Variants in C5 observed in about 807,000 individuals in gnomAD.
The protein encoded by C5 is C3 and PZP-like alpha-2-macroglobulin domain-containing protein 4.
Under a neutral mutation model 218.8 loss-of-function variants are expected in C5, and 140 were observed. That is an observed-to-expected ratio of 0.64 (90% CI 0.56 to 0.74). The LOEUF is 0.74. C5 is among the 30% of genes least tolerant of loss of function. C5 has a pLI of 0.00. For synonymous variants in C5, 614 were observed against 682.3 expected, an observed-to-expected ratio of 0.90 and a Z score of 1.56; for missense variants, 1,700 against 1,969.6, an observed-to-expected ratio of 0.86 and a Z score of 2.59.
chr9:121,060,152 C>G, the C5 span, among the ~76,000 whole-genome samples: 1 of 152,230 alleles, frequency 6.6e-6, no homozygotes, highest in African/African-American at 2.4e-5. Flanking sequence ...GCTCCTCGGT[C>G]ATCAATGCTT....
At chr9:121,015,478 T>G (rs2047299539) in intron 15 of C5, among the ~76,000 whole-genome samples, 1 of 152,190 alleles carries the variant, frequency 6.6e-6, no homozygotes, top group Non-Finnish European at 1.5e-5. Context: ...ATCTTTTGAC[T>G]TATTTTATCT....
At chr9:121,010,204 T>A (rs1265083297) in intron 17 of C5, among the ~76,000 whole-genome samples, 1 of 152,210 alleles carries the variant, frequency 6.6e-6, no homozygotes, top group East Asian at 1.9e-4. Flanking sequence ...TATCCTTGTA[T>A]GCAAATGATA....
the C5 span, among the ~76,000 whole-genome samples, chr9:121,066,855 A>C: frequency 1.7e-5 from 1 of 58,990 alleles, no homozygotes; most frequent in African/African-American, 4.1e-5. Context: ...ACTCTGTCTC[A>C]AAAAAAGAAA....
At chr9:120,981,010 C>T (rs1203686303) in intron 27 of C5, among the ~76,000 whole-genome samples, 1 of 152,136 alleles carries the variant, frequency 6.6e-6, no homozygotes, top group East Asian at 1.9e-4. Context: ...AGAAAGAAAC[C>T]CTAACTGCCA....
At chr9:121,019,951 T>C (rs745446555) in intron 12 of C5, 25 bp downstream of exon 12, 17 of 1,400,190 alleles carry the variant, frequency 1.2e-5, no homozygotes, top group South Asian at 9.2e-5. Context: ...GGGAATAAGA[T>C]GTAAATCCAT....
intron 20 of C5, among the ~76,000 whole-genome samples, chr9:121,001,381 A>G (rs541217780): frequency 6.6e-6 from 1 of 152,346 alleles, no homozygotes; most frequent in African/African-American, 2.4e-5. Flanking sequence ...AAGAAGAAAT[A>G]CAAATGGCCA....
intron 28 of C5, chr9:120,979,544 G>T (rs11791407): frequency 0.053 from 8,338 of 157,130 alleles, 290 homozygotes; most frequent in South Asian, 0.11. Flanking sequence ...AGGTATATAG[G>T]GGGTGTCCAG....
chr9:120,974,679 T>C (rs2046939111), intron 30 of C5, 100 bp downstream of exon 30: 1 of 1,120,700 alleles, frequency 8.9e-7, no homozygotes, highest in Admixed American at 1.7e-5. Flanking sequence ...TCAATATATG[T>C]TTAAGTAGTG....
At chr9:120,979,777 A>G in intron 28 of C5, 1 of 349,990 alleles carries the variant, frequency 2.9e-6, no homozygotes, top group South Asian at 2.6e-5. Flanking sequence ...AGTCCCAGCT[A>G]CTGAGGTGGG....
intron 20 of C5, among the ~76,000 whole-genome samples, chr9:121,002,296 A>ACG (rs2047175738): frequency 1.1e-5 from 1 of 94,706 alleles, no homozygotes; most frequent in Non-Finnish European, 2.3e-5. Context: ...ATATGTATAT[A>ACG]TGTATATATA....
intron 5 of C5, among the ~76,000 whole-genome samples, chr9:121,034,110 G>T (rs2047502239): frequency 6.6e-6 from 1 of 152,032 alleles, no homozygotes; most frequent in Admixed American, 6.6e-5. Context: ...GATAGAGACG[G>T]GGTTTCACCA....
chr9:121,026,602 C>T (rs548355272), intron 8 of C5, among the ~76,000 whole-genome samples: 2 of 152,218 alleles, frequency 1.3e-5, no homozygotes, highest in South Asian at 4.2e-4. Flanking sequence ...CTAGTAAACA[C>T]CAGTAGCAAC....
chr9:121,067,291 G>A, the C5 span, among the ~76,000 whole-genome samples: 39 of 151,878 alleles, frequency 2.6e-4, no homozygotes, highest in Middle Eastern at 0.014. Flanking sequence ...GGCAGGGCGC[G>A]GTGGCTCACG....
chr9:121,043,169 G>T lies in C5; in HGVS notation c.259-3C>A. The T allele has an allele frequency of 7.5e-6, 12 of 1,609,826 alleles. No individual in the cohort carries two copies. Among genetic ancestry groups the T allele is most frequent in the Non-Finnish European group, 1.0e-5 (12 of 1,177,056 alleles). On this transcript the variant is annotated splice_polypyrimidine_tract_variant and splice_region_variant and intron_variant, in intron 2 of 40. Coordinates refer to ENST00000223642, the MANE Select transcript of C5 (RefSeq NM_001735.3). Reference sequence around the variant, plus strand: ...CCAGGCAATTGTTTTGGTTGTATCTGGAAAAGAAATTGTTGATGGAAAAAG... The same window carrying T: ...CCAGGCAATTGTTTTGGTTGTATCTTGAAAAGAAATTGTTGATGGAAAAAG...
At chr9:121,016,128 G>A (rs1028187237) in intron 15 of C5, 126 bp downstream of exon 15, 13 of 1,217,566 alleles carry the variant, frequency 1.1e-5, no homozygotes, top group African/African-American at 4.5e-5. Flanking sequence ...ATTTTATACA[G>A]GTGAGTTATG....
chr9:121,041,990 T>C (rs911156037), intron 3 of C5, among the ~76,000 whole-genome samples: 43 of 152,126 alleles, frequency 2.8e-4, no homozygotes, highest in African/African-American at 1.0e-3. Flanking sequence ...ACCCCACTAT[T>C]CTCATCATCA....
intron 17 of C5, among the ~76,000 whole-genome samples, chr9:121,012,119 G>A (rs2047266580): frequency 6.6e-6 from 1 of 151,726 alleles, no homozygotes; most frequent in Admixed American, 6.6e-5. Flanking sequence ...GAGTATAATT[G>A]GATTGTTTAT....
At chr9:121,021,803 A>G (rs1222654114) in intron 10 of C5, 109 bp from the exon 11 acceptor site, 2 of 1,098,066 alleles carry the variant, frequency 1.8e-6, no homozygotes, top group Non-Finnish European at 2.7e-6. Flanking sequence ...TTATTTATGT[A>G]TTTTTTTCTG....
chr9:120,980,598 T>TC (rs1050116517), intron 27 of C5, among the ~76,000 whole-genome samples: 2 of 152,174 alleles, frequency 1.3e-5, no homozygotes, highest in Non-Finnish European at 2.9e-5. Flanking sequence ...TCTTTTTTTT[T>TC]CTTTTTTTTT....
Sources: gnomAD v4.1 joint callset for allele counts (sites outside exome capture counted in the v4.1 genomes callset) on GRCh38, gnomAD v4.1.1 for gene constraint, MANE v1.5 for transcripts, NCBI Gene and HGNC (gene_info 2026-07-23, HGNC 2026-07-21) for gene names.